Variants in DSG2 observed in about 807,000 individuals in gnomAD.
DSG2 encodes the protein desmoglein 2, also known as desmoglein-2.
A neutral mutation model predicts 75.6 loss-of-function variants in DSG2; 45 were observed. The observed-to-expected ratio is 0.60, with a 90% CI of 0.47 to 0.76. The LOEUF (loss-of-function observed/expected upper bound fraction) is 0.76. Ranked by LOEUF, DSG2 falls within the 30% of genes least tolerant of loss-of-function variation. DSG2 has a pLI of 0.00. For synonymous variants in DSG2, 429 were observed against 483.9 expected (o/e 0.89, Z 1.49); for missense variants, 1,267 against 1,357.4 (o/e 0.93, Z 1.05).
intron 9 of DSG2, among the ~76,000 whole-genome samples, chr18:31,533,063 G>C (rs898719403): frequency 1.3e-5 from 2 of 152,104 alleles, no homozygotes; most frequent in African/African-American, 2.4e-5. Context: ...AGAAAGAAAA[G>C]GTCTTAAAGA....
At position 31,541,289 on chromosome 18, in the gene DSG2, A is replaced by G; in HGVS notation, c.1976A>G (p.Asn659Ser). Residue 659 changes from asparagine (N) to serine (S), a missense_variant, in exon 13 of 15, where the codon AAT becomes AGT. Physicochemically the swap from Asn to Ser is conservative, Grantham distance 46. Coordinates refer to ENST00000261590, the MANE Select transcript of DSG2 (RefSeq NM_001943.5). ...ATAGAGATGCTGCATCCTTGGAATA[A>G]TGAAGGAGCACCACCTGAAGACAAG... ...GTIEMLHPWN[N>S]EGAPPEDKVV... The G allele has an allele frequency of 6.2e-7, 1 of 1,614,100 alleles. No individual in the cohort carries two copies. Among genetic ancestry groups the G allele is most frequent in the Non-Finnish European group, 8.5e-7 (1 of 1,179,976 alleles).
intron 1 of DSG2, among the ~76,000 whole-genome samples, chr18:31,515,203 C>T (rs748833627): frequency 6.6e-5 from 10 of 152,038 alleles, no homozygotes; most frequent in African/African-American, 2.2e-4. Flanking sequence ...CCCGGGTTCA[C>T]GCCATTCTCC....
At chr18:31,522,497 G>A (rs1301641056) in intron 6 of DSG2, 5 of 325,264 alleles carry the variant, frequency 1.5e-5, no homozygotes, top group Non-Finnish European at 5.7e-6. Context: ...CACCAGATTT[G>A]AAAAACTTAA....
chr18:31,515,410 A>G (rs188195450), intron 1 of DSG2, among the ~76,000 whole-genome samples: 1 of 152,024 alleles, frequency 6.6e-6, no homozygotes, highest in Non-Finnish European at 1.5e-5. Context: ...CGGCCTAAAT[A>G]TACTAAATTT....
chr18:31,517,302 A>C (rs1224197417), intron 1 of DSG2, among the ~76,000 whole-genome samples: 1 of 152,216 alleles, frequency 6.6e-6, no homozygotes, highest in Non-Finnish European at 1.5e-5. Flanking sequence ...AGAATTGATT[A>C]ATGGGTACAA....
chr18:31,526,806 GA>G (rs1025066987), intron 8 of DSG2, among the ~76,000 whole-genome samples: 12 of 151,940 alleles, frequency 7.9e-5, no homozygotes, highest in African/African-American at 2.2e-4. Flanking sequence ...AGGATGTAAA[GA>G]AAAAAAATAT....
At position 31,546,060 on chromosome 18, in the gene DSG2, A is replaced by G. The variant is rs892098035; in HGVS notation, c.2674A>G (p.Lys892Glu). ...YSSGSSFPVP[K>E]SLQEANAEKV... ...CTCTGGCAGTAGCTTCCCAGTTCCA[A>G]AATCTTTGCAAGAAGCCAATGCAGA... The change falls in exon 15 of 15, where the codon AAA becomes GAA. Residue 892 changes from lysine (K) to glutamate (E), a missense_variant. Transcript: ENST00000261590. The G allele has an allele frequency of 6.2e-7, 1 of 1,614,208 alleles. No individual in the cohort carries two copies. The highest frequency in any genetic ancestry group is 8.5e-7 in the Non-Finnish European group (1 of 1,180,042).
At chr18:31,532,776 A>G (rs1247137201) in intron 9 of DSG2, among the ~76,000 whole-genome samples, 1 of 152,150 alleles carries the variant, frequency 6.6e-6, no homozygotes, top group Non-Finnish European at 1.5e-5. Flanking sequence ...TTGAGCATGA[A>G]TTTTCTATAT....
At chr18:31,545,569 ATC>A (rs2073298836) in intron 14 of DSG2, 150 bp from the exon 15 acceptor site, 2 of 921,780 alleles carry the variant, frequency 2.2e-6, no homozygotes, top group East Asian at 5.3e-5. Flanking sequence ...GTGTCGTAGG[ATC>A]TCTCTCAATT....
rs192069081 is a variant in DSG2, at chr18:31,508,231, G to A, written c.45+9935G>A. Among the ~76,000 whole-genome samples the A allele has an allele frequency of 5.4e-3, 826 of 152,202 alleles. 10 individuals are homozygous for A. Among genetic ancestry groups the A allele is most frequent in the African/African-American group, 0.019 (784 of 41,530 alleles). On this transcript the variant is annotated intron_variant, in intron 1 of 14. Coordinates refer to ENST00000261590, the MANE Select transcript of DSG2 (RefSeq NM_001943.5). ...AGTAAAAGTTAAACTAGAAGAAGAG[G>A]TATAAACCAGGGGAAAACACTACCT...
chr18:31,518,106 G>A, intron 1 of DSG2, 133 bp from the exon 2 acceptor site: 1 of 701,276 alleles, frequency 1.4e-6, no homozygotes, highest in Non-Finnish European at 2.4e-6. Flanking sequence ...GTTTCCTCTT[G>A]ACAAAGAATA....
chr18:31,539,929 G>A (rs1361383458), intron 12 of DSG2, among the ~76,000 whole-genome samples: 3 of 151,976 alleles, frequency 2.0e-5, no homozygotes, highest in African/African-American at 2.4e-5. Context: ...AAACTCTATC[G>A]TGAACTACTC....
chr18:31,512,315 T>C (rs2073071698), intron 1 of DSG2, among the ~76,000 whole-genome samples: 1 of 152,210 alleles, frequency 6.6e-6, no homozygotes, highest in Non-Finnish European at 1.5e-5. Flanking sequence ...ATATTTGCCC[T>C]CATTCATTCC....
intron 11 of DSG2, 58 bp from the exon 12 acceptor site, chr18:31,538,693 G>A (rs1055537603): frequency 7.4e-7 from 1 of 1,356,994 alleles, no homozygotes; most frequent in East Asian, 2.3e-5. Context: ...GGAATTTAAT[G>A]TTGCCTCATC....
chr18:31,507,288 T>C (rs2073044025), intron 1 of DSG2, among the ~76,000 whole-genome samples: 2 of 152,236 alleles, frequency 1.3e-5, no homozygotes, highest in Admixed American at 1.3e-4. Context: ...TAGTATTCCA[T>C]GGTGTATATG....
chr18:31,543,973 A>T (rs76007459), intron 14 of DSG2, among the ~76,000 whole-genome samples: 1 of 152,206 alleles, frequency 6.6e-6, no homozygotes, highest in East Asian at 1.9e-4. Context: ...GAGTCAGTTC[A>T]TCAGGAGGCC....
At chr18:31,511,880 A>C (rs968997778) in intron 1 of DSG2, among the ~76,000 whole-genome samples, 1 of 152,112 alleles carries the variant, frequency 6.6e-6, no homozygotes, top group Non-Finnish European at 1.5e-5. Flanking sequence ...TTCAGTCCCT[A>C]CGATCCCCCT....
In DSG2 at chr18:31,541,228, A is replaced by C; in HGVS notation, c.1915A>C (p.Lys639Gln). The change falls in exon 13 of 15, where the codon AAG (lysine) becomes CAG (glutamine). Residue 639 changes from lysine (K) to glutamine (Q), a missense_variant. Transcript: ENST00000261590. ...PLLLLMCHCG[K>Q]GAKGFTPIPG... ...TTTACTGCTGATGTGCCATTGCGGA[A>C]AGGGCGCCAAAGGCTTTACCCCCAT... is the stretch of plus-strand genomic sequence containing the variant. The C allele has an allele frequency of 1.2e-6, 2 of 1,614,186 alleles. No homozygotes were observed. Among genetic ancestry groups the C allele is most frequent in the Non-Finnish European group, 1.7e-6 (2 of 1,179,994 alleles).
In DSG2 at chr18:31,498,371, A is replaced by G. The variant is rs1343745716; in HGVS notation, c.45+75A>G. On this transcript the variant is annotated intron_variant, in intron 1 of 14. Coordinates refer to ENST00000261590, the MANE Select transcript of DSG2 (RefSeq NM_001943.5). ...TAGGCGAGGTCTAGACCTCGCGACC[A>G]GACTTGCCCGCCGCCCTTGTGCGCG... is the stretch of plus-strand genomic sequence containing the variant. 6 of 1,235,880 alleles carry G rather than the reference A, an allele frequency of 4.9e-6. 1 individual carries two copies. The South Asian group carries it at 2.1e-4, about 42-fold the overall frequency. The allele number at this position is 1,235,880 out of a possible 1,614,324, so 76.6% of individuals were successfully genotyped here.
Sources: gnomAD v4.1 joint callset for allele counts (sites outside exome capture counted in the v4.1 genomes callset) on GRCh38, gnomAD v4.1.1 for gene constraint, MANE v1.5 for transcripts, NCBI Gene and HGNC (gene_info 2026-07-23, HGNC 2026-07-21) for gene names.